The following CNTRL variants were observed in gnomAD, a reference collection of about 807,000 sequenced individuals.
The protein encoded by CNTRL is centriolin, also known as 110 kDa centrosomal protein.
A neutral mutation model predicts 303.7 loss-of-function variants in CNTRL; 233 were observed. That is an observed-to-expected ratio of 0.77 (90% CI 0.69 to 0.86). CNTRL has a LOEUF of 0.86. CNTRL is among the 40% of genes least tolerant of loss of function. CNTRL has a pLI of 0.00. For synonymous variants in CNTRL, 900 were observed against 922.2 expected, an observed-to-expected ratio of 0.98 and a Z score of 0.44; for missense variants, 2,524 against 2,650.6, an observed-to-expected ratio of 0.95 and a Z score of 1.05.
intron 5 of CNTRL, among the ~76,000 whole-genome samples, chr9:121,095,824 A>G (rs1414177453): frequency 6.6e-6 from 1 of 152,130 alleles, no homozygotes; most frequent in South Asian, 2.1e-4. Flanking sequence ...GTATTTGTGC[A>G]GTATAGAAAA....
Position 121,096,486 on chromosome 9 carries a change from G to T in CNTRL, c.544G>T (p.Glu182Ter). The change falls in exon 6 of 44, where the codon GAG (glutamate) becomes TAG (stop). Residue 182 changes from glutamate to a stop codon, truncating the protein, a stop_gained. Transcript: ENST00000373855. LOFTEE classifies it high-confidence loss of function. Reference sequence around the variant, plus strand: ...GCTTAACCTTGCAGGAAATGAAATTGAGCATATTCCAGTATGGTTAGGGAA... The same window carrying T: ...GCTTAACCTTGCAGGAAATGAAATTTAGCATATTCCAGTATGGTTAGGGAA... ...QKLNLAGNEI[E>*]HIPVWLGKKL... The T allele has an allele frequency of 6.4e-7, 1 of 1,572,360 alleles. No homozygotes were observed. The highest frequency in any genetic ancestry group is 1.2e-5 in the South Asian group (1 of 83,134).
rs980678015 is a variant in CNTRL, at chr9:121,177,519, G to T, written c.*333G>T. 8 of 279,692 alleles carry T rather than the reference G, an allele frequency of 2.9e-5. No individual in the cohort carries two copies. Among genetic ancestry groups the T allele is most frequent in the Non-Finnish European group, 5.3e-5 (8 of 151,456 alleles). 17.3% of individuals were successfully genotyped at this position (279,692 alleles called of 1,614,324 possible). On this transcript the variant is annotated 3_prime_UTR_variant, in exon 44 of 44. Transcript: ENST00000373855. ...GGTAAATCTTATTAACAAAAAGAATGTACTTAAGGCCCTCTTTATTTATAG... is the reference window on the plus strand; with the variant it reads ...GGTAAATCTTATTAACAAAAAGAATTTACTTAAGGCCCTCTTTATTTATAG...
chr9:121,109,427 A>G (rs1315026196), intron 8 of CNTRL, among the ~76,000 whole-genome samples: 2 of 152,146 alleles, frequency 1.3e-5, no homozygotes, highest in African/African-American at 4.8e-5. Context: ...ATATGTGTAC[A>G]TGCATGTATA....
chr9:121,171,375 G>A, intron 39 of CNTRL, 33 bp from the exon 40 acceptor site: 1 of 1,613,004 alleles, frequency 6.2e-7, no homozygotes, highest in Non-Finnish European at 8.5e-7. Flanking sequence ...CCATGTGTTA[G>A]ATCGCAGAGT....
chr9:121,085,882 T>G (rs2048323679), intron 2 of CNTRL, among the ~76,000 whole-genome samples: 2 of 152,198 alleles, frequency 1.3e-5, no homozygotes, highest in Non-Finnish European at 2.9e-5. Context: ...CTGTTTGTAG[T>G]GCATGGTGCC....
In CNTRL at chr9:121,167,599, G is replaced by A; in HGVS notation, c.5766G>A (p.Glu1922=). 3 of 1,614,092 alleles carry A rather than the reference G, an allele frequency of 1.9e-6. No individual in the cohort carries two copies. Among genetic ancestry groups the A allele is most frequent in the Non-Finnish European group, 2.5e-6 (3 of 1,179,986 alleles). ...ANRFEDCQKE[E]ETKQQQLQVL... is the part of the protein sequence containing the mutation. ...GGTTTGAAGACTGTCAGAAAGAAGA[G>A]GAGACAAAACAACAACAACTTCAAG... The change falls in exon 37 of 44, where the codon GAG becomes GAA. Residue 1922 remains glutamate, a synonymous_variant. Coordinates refer to ENST00000373855, the MANE Select transcript of CNTRL (RefSeq NM_007018.6).
intron 27 of CNTRL, among the ~76,000 whole-genome samples, chr9:121,156,000 A>C (rs985644817): frequency 8.5e-5 from 13 of 152,178 alleles, no homozygotes; most frequent in African/African-American, 2.7e-4. Context: ...AGTAATTAAG[A>C]ATGGAAAAAG....
intron 11 of CNTRL, among the ~76,000 whole-genome samples, chr9:121,116,780 A>G (rs1009384858): frequency 6.6e-6 from 1 of 152,178 alleles, no homozygotes; most frequent in Non-Finnish European, 1.5e-5. Context: ...AGTACAGGCA[A>G]GAGATGATAC....
At chr9:121,150,668 C>A in intron 25 of CNTRL, 185 bp downstream of exon 25, 1 of 617,508 alleles carries the variant, frequency 1.6e-6, no homozygotes, top group Non-Finnish European at 2.8e-6. Flanking sequence ...GTGGCATGTG[C>A]CTATAATCCG....
At chr9:121,095,215 C>G (rs1004021703) in intron 5 of CNTRL, among the ~76,000 whole-genome samples, 197 bp downstream of exon 5, 4 of 152,132 alleles carry the variant, frequency 2.6e-5, no homozygotes, top group Non-Finnish European at 4.4e-5. Flanking sequence ...TACTGAAGTA[C>G]AGAATAACAT....
intron 8 of CNTRL, among the ~76,000 whole-genome samples, chr9:121,109,017 T>C (rs2049618514): frequency 6.6e-6 from 1 of 152,200 alleles, no homozygotes; most frequent in Non-Finnish European, 1.5e-5. Context: ...TGTTACTGTA[T>C]ACAGTTATTC....
chr9:121,162,136 G>A lies in CNTRL; in HGVS notation c.5288G>A (p.Arg1763Lys). 6.2e-7 allele frequency: 1 copy of A among 1,614,188 alleles called. No homozygotes were observed. Among genetic ancestry groups the A allele is most frequent in the Non-Finnish European group, 8.5e-7 (1 of 1,180,020 alleles). Residue 1763 changes from arginine (R) to lysine (K), a missense_variant, in exon 34 of 44, where the codon AGG becomes AAG. Transcript: ENST00000373855. ...GAGTGGCAGAAGCAGCTCCTTGAGA[G>A]GGATAAACGAGAAATAGAACGAATG... is the stretch of plus-strand genomic sequence containing the variant. Reference protein sequence around the residue: ...EIEWQKQLLERDKREIERMTA... With the variant: ...EIEWQKQLLEKDKREIERMTA...
chr9:121,173,434 G>GA lies in CNTRL; in HGVS notation c.6612dup (p.Glu2205ArgfsTer9), dbSNP rs752643006. 25 of 1,613,956 alleles carry GA rather than the reference G, an allele frequency of 1.5e-5. No individual in the cohort carries two copies. In the South Asian group the frequency reaches 2.7e-4, roughly 18 times the overall value. ...ACCTAGAAGGAGAATTGGAAAGCTT[G>GA]AAAGAGAACCTTCCATTTACCATGA... On this transcript the variant is annotated frameshift_variant, in exon 41 of 44. Transcript: ENST00000373855. LOFTEE classifies it high-confidence loss of function.
At chr9:121,117,835 T>C (rs905036993) in intron 11 of CNTRL, among the ~76,000 whole-genome samples, 8 of 151,940 alleles carry the variant, frequency 5.3e-5, no homozygotes, top group South Asian at 2.1e-4. Flanking sequence ...AAAAATTAGC[T>C]GGGCGTGGTA....
chr9:121,167,747 C>A, intron 37 of CNTRL, 70 bp downstream of exon 37: 3 of 1,359,620 alleles, frequency 2.2e-6, no homozygotes, highest in Non-Finnish European at 3.1e-6. Flanking sequence ...TTTCCCCTGG[C>A]AGAAAGCTGC....
At chr9:121,108,250 T>A (rs2049574462) in intron 8 of CNTRL, among the ~76,000 whole-genome samples, 1 of 152,216 alleles carries the variant, frequency 6.6e-6, no homozygotes, top group Non-Finnish European at 1.5e-5. Context: ...TAGGTGAGGC[T>A]GTTCATTGGC....
At chr9:121,163,171 C>G (rs769845785) in intron 34 of CNTRL, among the ~76,000 whole-genome samples, 9 of 105,964 alleles carry the variant, frequency 8.5e-5, no homozygotes, top group Non-Finnish European at 1.6e-4. Context: ...AAGACCCTGT[C>G]TCTGCCAAAA....
chr9:121,132,645 G>T (rs753417273), intron 14 of CNTRL, among the ~76,000 whole-genome samples: 3 of 152,166 alleles, frequency 2.0e-5, no homozygotes, highest in Admixed American at 6.5e-5. Context: ...CAGCTCATCA[G>T]AGTCATTCTC....
intron 16 of CNTRL, among the ~76,000 whole-genome samples, chr9:121,139,157 T>C (rs1445661266): frequency 6.6e-6 from 1 of 152,222 alleles, no homozygotes; most frequent in Non-Finnish European, 1.5e-5. Flanking sequence ...ATGTCATCAT[T>C]TTTTATTTGT....
Sources: allele counts gnomAD v4.1 joint callset (sites outside exome capture counted in the v4.1 genomes callset), GRCh38; gene constraint gnomAD v4.1.1; transcripts MANE v1.5; gene names NCBI Gene and HGNC (gene_info 2026-07-23, HGNC 2026-07-21).